The following NOVA1 variants were observed in gnomAD, a reference collection of about 807,000 sequenced individuals.
NOVA1 encodes RNA-binding protein Nova-1.
NOVA1 carries 7 observed loss-of-function variants against 38.0 expected under a neutral mutation model. That is an observed-to-expected ratio of 0.18 (90% CI 0.10 to 0.35). The LOEUF is 0.35. Ranked by LOEUF, NOVA1 falls within the 10% of genes least tolerant of loss-of-function variation. The pLI is 1.00. For synonymous variants in NOVA1, 270 were observed against 232.5 expected (o/e 1.16, Z -1.47); for missense variants, 460 against 616.0 (o/e 0.75, Z 2.68).
intron 4 of NOVA1, among the ~76,000 whole-genome samples, chr14:26,458,692 G>C (rs191662808): frequency 1.3e-5 from 2 of 152,060 alleles, no homozygotes; most frequent in Admixed American, 1.3e-4. Context: ...GGGGGAATGG[G>C]TTGAAAAACT....
In NOVA1 at chr14:26,554,193, AAGGG is replaced by A. The variant is rs550262377; in HGVS notation, c.280+41213_280+41216del. On this transcript the variant is annotated intron_variant, in intron 2 of 4. Transcript: ENST00000539517. ...AAGGAAGAAAAAGAAAGAAGGAAGG[AAGGG>A]AGGGAGGGAGGGAGGGAGGACTAGT... 1.3e-3 allele frequency among the ~76,000 whole-genome samples: 181 copies of A among 138,084 alleles called. 1 individual carries two copies. The Middle Eastern group carries it at 0.014, about 11-fold the overall frequency. The allele number at this position is 138,084 out of a possible 152,430, so 90.6% of individuals were successfully genotyped here.
intron 4 of NOVA1, among the ~76,000 whole-genome samples, chr14:26,455,292 A>G (rs1466693280): frequency 3.9e-5 from 6 of 152,066 alleles, no homozygotes; most frequent in African/African-American, 7.2e-5. Context: ...TATATGTTCT[A>G]TTATGTGCTG....
chr14:26,592,312 A>G (rs778157157), intron 2 of NOVA1, among the ~76,000 whole-genome samples: 43 of 151,510 alleles, frequency 2.8e-4, no homozygotes, highest in Non-Finnish European at 8.9e-5. Flanking sequence ...AAACCAAGAA[A>G]GCTGTTTTTT....
intron 2 of NOVA1, among the ~76,000 whole-genome samples, chr14:26,575,393 C>T (rs1239268581): frequency 6.6e-6 from 1 of 152,008 alleles, no homozygotes; most frequent in Non-Finnish European, 1.5e-5. Flanking sequence ...TTTTAGCAAA[C>T]CCACATCATC....
At chr14:26,582,283 C>A (rs1174876085) in intron 2 of NOVA1, among the ~76,000 whole-genome samples, 1 of 151,750 alleles carries the variant, frequency 6.6e-6, no homozygotes, top group Admixed American at 6.6e-5. Context: ...ATCCTCATTG[C>A]AATGCAGTAT....
intron 2 of NOVA1, among the ~76,000 whole-genome samples, chr14:26,550,942 A>G (rs1185674326): frequency 6.6e-6 from 1 of 152,084 alleles, no homozygotes; most frequent in Non-Finnish European, 1.5e-5. Context: ...GTGTAAATAT[A>G]TATTATTTTC....
At position 26,597,561 on chromosome 14, in the gene NOVA1, T is replaced by C. The variant is rs1190407150; in HGVS notation, c.-125A>G. The C allele has an allele frequency of 5.7e-6, 7 of 1,227,434 alleles. No individual in the cohort carries two copies. In the African/African-American group the frequency reaches 1.1e-4, roughly 19 times the overall value. The allele number at this position is 1,227,434 out of a possible 1,614,324, so 76.0% of individuals were successfully genotyped here. On this transcript the variant is annotated 5_prime_UTR_variant, in exon 1 of 5. Transcript: ENST00000539517. ...GGGGTTTCTTAAGGTTTTTTTTTTT[T>C]AATCGGATCAATATAAATCTCTTTA...
intron 2 of NOVA1, among the ~76,000 whole-genome samples, chr14:26,546,946 G>A (rs753628415): frequency 4.6e-5 from 7 of 152,138 alleles, no homozygotes; most frequent in African/African-American, 1.2e-4. Context: ...TTGAACCCGC[G>A]AGGCAGAGGC....
chr14:26,506,525 C>A (rs142798378), intron 2 of NOVA1, among the ~76,000 whole-genome samples: 3 of 152,236 alleles, frequency 2.0e-5, no homozygotes, highest in South Asian at 2.1e-4. Context: ...TCAAGAAAAT[C>A]TTAATCAGTG....
intron 2 of NOVA1, among the ~76,000 whole-genome samples, chr14:26,554,193 AAGGGAGGGAGGGAGGG>A (rs550262377): frequency 7.2e-5 from 10 of 137,954 alleles, no homozygotes; most frequent in African/African-American, 2.6e-4. Context: ...AGAAGGAAGG[AAGGGAGGGAGGGAGGG>A]AGGGAGGACT....
chr14:26,468,227 G>A lies in NOVA1; in HGVS notation c.519+4093C>T, dbSNP rs565387082. 1.3e-4 allele frequency among the ~76,000 whole-genome samples: 20 copies of A among 152,052 alleles called. No homozygotes were observed. In the South Asian group the frequency reaches 3.9e-3, roughly 30 times the overall value. On this transcript the variant is annotated intron_variant, in intron 4 of 4. Coordinates refer to ENST00000539517, the MANE Select transcript of NOVA1 (RefSeq NM_002515.3). ...GTCCTGTGGAGAGGGACGTGTGGCAGGCAACTGTGGGTGGCCTCTAGAATC... is the reference window on the plus strand; with the variant it reads ...GTCCTGTGGAGAGGGACGTGTGGCAAGCAACTGTGGGTGGCCTCTAGAATC...
intron 2 of NOVA1, chr14:26,549,867 C>T: frequency 1.4e-5 from 7 of 494,200 alleles, no homozygotes; most frequent in Non-Finnish European, 2.6e-5. Flanking sequence ...GACTCCTGTA[C>T]ATACATACAG....
chr14:26,475,454 T>C (rs1488339897), intron 3 of NOVA1, among the ~76,000 whole-genome samples: 1 of 152,236 alleles, frequency 6.6e-6, no homozygotes, highest in Non-Finnish European at 1.5e-5. Flanking sequence ...AAGATGTAAT[T>C]AACTGAATAT....
intron 2 of NOVA1, among the ~76,000 whole-genome samples, chr14:26,523,926 T>C (rs1889103526): frequency 6.6e-6 from 1 of 152,050 alleles, no homozygotes; most frequent in African/African-American, 2.4e-5. Flanking sequence ...AATTTTTTTG[T>C]ATTTTTAGTA....
chr14:26,530,525 TC>T (rs1437298611), intron 2 of NOVA1, among the ~76,000 whole-genome samples: 1 of 152,110 alleles, frequency 6.6e-6, no homozygotes, highest in Non-Finnish European at 1.5e-5. Flanking sequence ...AGCAAACAGA[TC>T]AGATCTATAA....
At chr14:26,563,327 TA>T (rs57064982) in intron 2 of NOVA1, among the ~76,000 whole-genome samples, 2,186 of 137,258 alleles carry the variant, frequency 0.016, 45 homozygotes, top group African/African-American at 0.047. Context: ...TATGTCACAT[TA>T]AAAAAAAAAA....
At chr14:26,551,915 C>A (rs1402617825) in intron 2 of NOVA1, among the ~76,000 whole-genome samples, 1 of 151,870 alleles carries the variant, frequency 6.6e-6, no homozygotes, top group Admixed American at 6.6e-5. Context: ...CACAATATTA[C>A]AAAACAGTAT....
At chr14:26,596,297 C>T (rs1048053561) in intron 1 of NOVA1, among the ~76,000 whole-genome samples, 1 of 152,102 alleles carries the variant, frequency 6.6e-6, no homozygotes. Flanking sequence ...ATTAAATAGG[C>T]TTAAAAGTGA....
intron 2 of NOVA1, among the ~76,000 whole-genome samples, chr14:26,511,020 T>C (rs1294948439): frequency 1.3e-5 from 2 of 152,148 alleles, no homozygotes; most frequent in Non-Finnish European, 2.9e-5. Context: ...GTAATTACCA[T>C]ACTATGCTGC....
Sources: gnomAD v4.1 joint callset for allele counts (sites outside exome capture counted in the v4.1 genomes callset) on GRCh38, gnomAD v4.1.1 for gene constraint, MANE v1.5 for transcripts, NCBI Gene and HGNC (gene_info 2026-07-23, HGNC 2026-07-21) for gene names.